CCDC33: variants seen among roughly 807,000 people sequenced by gnomAD.
CCDC33 encodes the protein coiled-coil domain-containing protein 33.
CCDC33 carries 94 observed loss-of-function variants against 91.9 expected under a neutral mutation model. That is an observed-to-expected ratio of 1.02 (90% CI 0.87 to 1.21). The LOEUF is 1.21. CCDC33 is among the 50% of genes most tolerant of loss of function. The pLI is 0.00. For synonymous variants in CCDC33, 396 were observed against 374.5 expected (o/e 1.06, Z -0.66); for missense variants, 940 against 935.5 (o/e 1.00, Z -0.06).
chr15:74,254,744 C>CTT (rs756927130), intron 2 of CCDC33, among the ~76,000 whole-genome samples: 4,523 of 126,310 alleles, frequency 0.036, 320 homozygotes, highest in African/African-American at 0.12. Context: ...TACCCTCCTT[C>CTT]TTTTTTTTTT....
intron 18 of CCDC33, chr15:74,335,368 T>C (rs756051685): frequency 1.0e-5 from 6 of 595,624 alleles, no homozygotes; most frequent in Non-Finnish European, 1.8e-5. Context: ...GAGGGGTCCA[T>C]GCAGGCATCT....
intron 1 of CCDC33, among the ~76,000 whole-genome samples, chr15:74,204,334 C>A (rs1441753601): frequency 1.3e-5 from 2 of 152,218 alleles, no homozygotes; most frequent in African/African-American, 2.4e-5. Context: ...AGAGGGACTT[C>A]AGAAATTGAG....
chr15:74,288,392 C>T (rs2059520581), intron 10 of CCDC33, among the ~76,000 whole-genome samples: 1 of 152,222 alleles, frequency 6.6e-6, no homozygotes, highest in Admixed American at 6.5e-5. Flanking sequence ...TGACAACATT[C>T]CTGTTAAAGT....
chr15:74,310,603 G>A (rs1008681130), intron 11 of CCDC33, among the ~76,000 whole-genome samples: 1 of 152,182 alleles, frequency 6.6e-6, no homozygotes, highest in Non-Finnish European at 1.5e-5. Flanking sequence ...TGGTCAGGGG[G>A]CATCCTGAGA....
chr15:74,286,032 G>A (rs1348575747), intron 10 of CCDC33, among the ~76,000 whole-genome samples: 1 of 152,160 alleles, frequency 6.6e-6, no homozygotes, highest in East Asian at 1.9e-4. Flanking sequence ...CGGATCATGA[G>A]GTCAGGAATT....
At chr15:74,256,418 GA>G (rs1595957403) in intron 2 of CCDC33, among the ~76,000 whole-genome samples, 2 of 126,850 alleles carry the variant, frequency 1.6e-5, no homozygotes, top group East Asian at 5.0e-4. Context: ...GCGTACGGGA[GA>G]AAGGGGGTAC....
At chr15:74,306,583 A>G (rs1468662974) in intron 11 of CCDC33, among the ~76,000 whole-genome samples, 2 of 148,900 alleles carry the variant, frequency 1.3e-5, no homozygotes, top group Admixed American at 6.7e-5. Context: ...GGTCTCACCA[A>G]AAGGCACTGT....
In CCDC33 at chr15:74,291,672, G is replaced by T. The variant is rs1042372460; in HGVS notation, c.1096-4082G>T. Among the ~76,000 whole-genome samples the T allele has an allele frequency of 9.2e-5, 14 of 152,378 alleles. No homozygotes were observed. In the East Asian group the frequency reaches 2.7e-3, roughly 29 times the overall value. ...ACTTTCAGCACCAAGGACAGCAGCT[G>T]CAGCCTGGCTAGTCAGTAATTGTGG... On this transcript the variant is annotated intron_variant, in intron 10 of 18. Transcript: ENST00000398814.
At chr15:74,238,027 C>A (rs2075230045) in intron 1 of CCDC33, among the ~76,000 whole-genome samples, 1 of 152,032 alleles carries the variant, frequency 6.6e-6, no homozygotes. Flanking sequence ...ACTCAGGATG[C>A]TGAGGCAGGA....
chr15:74,330,489 A>T, intron 12 of CCDC33, 135 bp downstream of exon 12: 1 of 1,138,602 alleles, frequency 8.8e-7, no homozygotes, highest in Non-Finnish European at 1.2e-6. Flanking sequence ...CCCCTCGCCC[A>T]CAGACACTCA....
chr15:74,254,027 ATTTAT>A (rs925653787), intron 2 of CCDC33, among the ~76,000 whole-genome samples: 7 of 150,682 alleles, frequency 4.6e-5, no homozygotes, highest in African/African-American at 9.8e-5. Flanking sequence ...TCTCAATTTT[ATTTAT>A]TTTATTTTTT....
chr15:74,286,864 G>A (rs1387319544), intron 10 of CCDC33, among the ~76,000 whole-genome samples: 1 of 152,110 alleles, frequency 6.6e-6, no homozygotes, highest in Non-Finnish European at 1.5e-5. Context: ...CACCACTGAG[G>A]GGAGGGGCAG....
chr15:74,265,204 C>T (rs968042826), intron 3 of CCDC33, among the ~76,000 whole-genome samples: 4 of 152,082 alleles, frequency 2.6e-5, no homozygotes, highest in Non-Finnish European at 5.9e-5. Context: ...CCCGCTGAAC[C>T]TGCTGAGCCC....
intron 11 of CCDC33, among the ~76,000 whole-genome samples, chr15:74,319,247 T>A (rs1427330086): frequency 1.3e-5 from 2 of 152,208 alleles, no homozygotes; most frequent in African/African-American, 4.8e-5. Context: ...AGGGTGCAGA[T>A]GAGCAGGCAC....
chr15:74,211,126 T>A (rs2629727), intron 2 of CCDC33, among the ~76,000 whole-genome samples: 72,851 of 134,986 alleles, frequency 0.54, 18,048 homozygotes, highest in South Asian at 0.74. Context: ...TTGCCAGAGA[T>A]TCCCCCCCAC....
intron 16 of CCDC33, chr15:74,333,311 C>T (rs2060482181): frequency 1.3e-6 from 2 of 1,588,100 alleles, no homozygotes; most frequent in Non-Finnish European, 1.7e-6. Context: ...CACAGAGACC[C>T]TGCCCGCACA....
At chr15:74,304,453 C>G (rs974040930) in intron 11 of CCDC33, 3 of 152,246 alleles carry the variant, frequency 2.0e-5, no homozygotes, top group African/African-American at 7.2e-5. Flanking sequence ...GGCCATTCTC[C>G]TCCTCCATCC....
In CCDC33 at chr15:74,330,360, G is replaced by T. The variant is rs1194156529; in HGVS notation, c.1456+6G>T. On this transcript the variant is annotated splice_donor_region_variant and intron_variant, in intron 12 of 18. Coordinates refer to ENST00000398814, the MANE Select transcript of CCDC33 (RefSeq NM_025055.5). ...CAGTGAGGCCCAGAACACGGGTGAG[G>T]ATGTGCAGGCCACCAAGGGCACCCG... 1.9e-6 allele frequency: 3 copies of T among 1,581,438 alleles called. No individual in the cohort carries two copies. Among genetic ancestry groups the T allele is most frequent in the Non-Finnish European group, 2.6e-6 (3 of 1,163,536 alleles).
chr15:74,307,202 G>A (rs566157613), intron 11 of CCDC33, among the ~76,000 whole-genome samples: 1 of 152,322 alleles, frequency 6.6e-6, no homozygotes, highest in South Asian at 2.1e-4. Context: ...GTGGACTATA[G>A]AACCAGGAGC....
Sources: gnomAD v4.1 joint callset for allele counts (sites outside exome capture counted in the v4.1 genomes callset) on GRCh38, gnomAD v4.1.1 for gene constraint, MANE v1.5 for transcripts, NCBI Gene and HGNC (gene_info 2026-07-23, HGNC 2026-07-21) for gene names.